The following SHROOM3 variants were observed in gnomAD, a reference collection of about 807,000 sequenced individuals.
SHROOM3 encodes shroom family member 3.
SHROOM3 carries 47 observed loss-of-function variants against 138.6 expected under a neutral mutation model. That is an observed-to-expected ratio of 0.34 (90% CI 0.27 to 0.43). The LOEUF is 0.43. Among genes scored for constraint, SHROOM3 ranks in the 20% least tolerant of loss-of-function variants. SHROOM3 has a pLI of 1.00. For synonymous variants in SHROOM3, 1,062 were observed against 1,063.3 expected (o/e 1.00, Z 0.02); for missense variants, 2,491 against 2,596.5 (o/e 0.96, Z 0.88).
intron 3 of SHROOM3, among the ~76,000 whole-genome samples, chr4:76,720,612 TC>T: frequency 6.6e-6 from 1 of 151,278 alleles, no homozygotes. Flanking sequence ...CTGAATTCTT[TC>T]TTTTTTTTTT....
At chr4:76,523,511 G>A (rs1330071192) in intron 1 of SHROOM3, among the ~76,000 whole-genome samples, 1 of 152,132 alleles carries the variant, frequency 6.6e-6, no homozygotes, top group African/African-American at 2.4e-5. Flanking sequence ...GTAGGTGACT[G>A]TTCATTTTGC....
chr4:76,628,904 G>C (rs558436443), intron 2 of SHROOM3: 1 of 151,954 alleles, frequency 6.6e-6, no homozygotes, highest in Non-Finnish European at 1.5e-5. Flanking sequence ...GCAGTGGTGC[G>C]ATCTTGACTC....
intron 1 of SHROOM3, among the ~76,000 whole-genome samples, chr4:76,540,324 A>G (rs994597162): frequency 3.3e-5 from 5 of 152,188 alleles, no homozygotes; most frequent in African/African-American, 9.7e-5. Flanking sequence ...GACAAACAAG[A>G]CAATCCCTCT....
Position 76,739,045 on chromosome 4 carries a change from C to T in SHROOM3, c.872C>T (p.Ala291Val). The T allele has an allele frequency of 1.2e-6, 2 of 1,614,236 alleles. No individual in the cohort carries two copies. Among genetic ancestry groups the T allele is most frequent in the Non-Finnish European group, 1.7e-6 (2 of 1,180,042 alleles). The change falls in exon 5 of 11, where the codon GCT becomes GTT. Residue 291 changes from alanine (A) to valine (V), a missense_variant. Ala to Val is a moderately conservative substitution (Grantham distance 64). Transcript: ENST00000296043. ...TCAGGCTCCATGGACAATACTTCTG[C>T]TCGAGGTGGCCTCCTCGAAGGGATG... ...ERSGSMDNTS[A>V]RGGLLEGMRQ...
rs575661157 is a variant in SHROOM3 at position 76,546,291 on chromosome 4, G to C, written c.169-9318G>C. On this transcript the variant is annotated intron_variant, in intron 1 of 10. Transcript: ENST00000296043. ...TTCTACTACAATATACCCCATTTAC[G>C]ACCCCAAATAGGAATGTTCAACAGT... Among the ~76,000 whole-genome samples, 7 of 152,166 alleles carry C rather than the reference G, an allele frequency of 4.6e-5. No homozygotes were observed. The East Asian group carries it at 1.4e-3, about 29-fold the overall frequency.
At chr4:76,493,888 A>T (rs779015792) in intron 1 of SHROOM3, among the ~76,000 whole-genome samples, 3 of 152,188 alleles carry the variant, frequency 2.0e-5, no homozygotes, top group Non-Finnish European at 4.4e-5. Context: ...CTGAGGCAGG[A>T]GAATCGTTTG....
At chr4:76,558,429 T>TAGA (rs2110031182) in intron 2 of SHROOM3, among the ~76,000 whole-genome samples, 1 of 152,304 alleles carries the variant, frequency 6.6e-6, no homozygotes, top group Non-Finnish European at 1.5e-5. Context: ...TGGATTAGGC[T>TAGA]AGAGAGATGT....
intron 2 of SHROOM3, among the ~76,000 whole-genome samples, chr4:76,625,050 C>T (rs1313638453): frequency 6.6e-6 from 1 of 152,100 alleles, no homozygotes; most frequent in Non-Finnish European, 1.5e-5. Context: ...ATAAGGAGAG[C>T]GCAGATATTT....
chr4:76,455,101 C>T (rs1488236715), intron 1 of SHROOM3, among the ~76,000 whole-genome samples: 1 of 152,080 alleles, frequency 6.6e-6, no homozygotes. Flanking sequence ...GATAATTTTA[C>T]TTCTTCCTTT....
At chr4:76,552,641 C>CAT (rs1733389761) in intron 1 of SHROOM3, among the ~76,000 whole-genome samples, 1 of 150,714 alleles carries the variant, frequency 6.6e-6, no homozygotes, top group African/African-American at 2.4e-5. Flanking sequence ...TATACATATA[C>CAT]ATATATATAG....
chr4:76,632,490 C>T (rs1295811127), intron 2 of SHROOM3, among the ~76,000 whole-genome samples: 7 of 152,134 alleles, frequency 4.6e-5, no homozygotes, highest in African/African-American at 1.4e-4. Context: ...ATGAATGCTG[C>T]TGAGGGGTCC....
intron 2 of SHROOM3, among the ~76,000 whole-genome samples, chr4:76,680,142 C>CT (rs11368349): frequency 0.15 from 21,341 of 138,622 alleles, 2,047 homozygotes; most frequent in East Asian, 0.36. Context: ...TGACCTATAC[C>CT]TTTTTTTTTT....
intron 2 of SHROOM3, among the ~76,000 whole-genome samples, chr4:76,627,968 G>A (rs550970833): frequency 3.9e-5 from 6 of 152,280 alleles, no homozygotes; most frequent in Admixed American, 1.3e-4. Context: ...CCTCCCCTTC[G>A]ATGAGAATGT....
chr4:76,528,562 T>TTTTTTTTTA (rs1732754135), intron 1 of SHROOM3, among the ~76,000 whole-genome samples: 4 of 146,366 alleles, frequency 2.7e-5, no homozygotes, highest in Admixed American at 6.8e-5. Flanking sequence ...TTTTTTTTTT[T>TTTTTTTTTA]GAGGCAGAGT....
intron 2 of SHROOM3, among the ~76,000 whole-genome samples, chr4:76,580,113 T>C (rs144081549): frequency 1.1e-3 from 170 of 152,362 alleles, no homozygotes; most frequent in African/African-American, 3.7e-3. Context: ...CACTGTCAGT[T>C]TAAATCATGA....
intron 1 of SHROOM3, among the ~76,000 whole-genome samples, chr4:76,508,565 C>T (rs1194252949): frequency 1.3e-5 from 2 of 152,124 alleles, no homozygotes; most frequent in African/African-American, 2.4e-5. Context: ...ATTTTAAAAT[C>T]GCTTTTCAGT....
intron 6 of SHROOM3, among the ~76,000 whole-genome samples, chr4:76,750,508 A>G (rs547168792): frequency 2.0e-5 from 3 of 152,236 alleles, no homozygotes; most frequent in Non-Finnish European, 2.9e-5. Flanking sequence ...ACTGGTGCCT[A>G]TTTGAGGGTG....
chr4:76,450,819 A>G (rs2109969565), intron 1 of SHROOM3, among the ~76,000 whole-genome samples: 1 of 152,354 alleles, frequency 6.6e-6, no homozygotes, highest in African/African-American at 2.4e-5. Flanking sequence ...CTCTGTAAAT[A>G]TAGTAAAAAT....
chr4:76,477,788 T>C (rs1054675064), intron 1 of SHROOM3, among the ~76,000 whole-genome samples: 6 of 152,034 alleles, frequency 3.9e-5, no homozygotes, highest in African/African-American at 9.7e-5. Context: ...GCTCATCTCA[T>C]TGGGACTGGT....
Sources: gnomAD v4.1 joint callset for allele counts (sites outside exome capture counted in the v4.1 genomes callset) on GRCh38, gnomAD v4.1.1 for gene constraint, MANE v1.5 for transcripts, NCBI Gene and HGNC (gene_info 2026-07-23, HGNC 2026-07-21) for gene names.